CTNNA3: variants seen among roughly 807,000 people sequenced by gnomAD.
CTNNA3 encodes the protein catenin alpha 3.
CTNNA3 carries 76 observed loss-of-function variants against 95.7 expected under a neutral mutation model. The ratio of observed to expected loss-of-function variants is 0.79; its 90% CI spans 0.66 to 0.96. The LOEUF is 0.96. CTNNA3 is among the 40% of genes least tolerant of loss of function. The pLI is 0.00. For synonymous variants in CTNNA3, 431 were observed against 374.4 expected, an observed-to-expected ratio of 1.15 and a Z score of -1.74; for missense variants, 1,191 against 1,089.8, an observed-to-expected ratio of 1.09 and a Z score of -1.31.
At chr10:67,643,269 G>C (rs1405765563) in intron 2 of CTNNA3, among the ~76,000 whole-genome samples, 1 of 151,268 alleles carries the variant, frequency 6.6e-6, no homozygotes, top group African/African-American at 2.5e-5. Flanking sequence ...GGAGCTGAAG[G>C]ATGAGAACAC....
intron 9 of CTNNA3, among the ~76,000 whole-genome samples, chr10:66,632,810 A>G (rs976760168): frequency 1.3e-5 from 2 of 152,022 alleles, no homozygotes; most frequent in African/African-American, 4.8e-5. Context: ...TTTATATTTG[A>G]TAATAAAAAT....
chr10:66,763,865 T>C (rs1034141583), intron 9 of CTNNA3, among the ~76,000 whole-genome samples: 2 of 152,200 alleles, frequency 1.3e-5, no homozygotes, highest in Non-Finnish European at 2.9e-5. Context: ...GTCATGTGAA[T>C]ATGCCATTTA....
At chr10:67,378,710 A>C (rs1843792993) in intron 5 of CTNNA3, among the ~76,000 whole-genome samples, 1 of 152,112 alleles carries the variant, frequency 6.6e-6, no homozygotes, top group Non-Finnish European at 1.5e-5. Context: ...AGTTCCAACC[A>C]TGTTGCTGTG....
intron 7 of CTNNA3, among the ~76,000 whole-genome samples, chr10:67,125,488 G>GGCTTTAGGGAC (rs1162293313): frequency 6.6e-6 from 1 of 151,996 alleles, no homozygotes; most frequent in Non-Finnish European, 1.5e-5. Context: ...GTGTATCCTA[G>GGCTTTAGGGAC]AATAAATTTA....
chr10:66,576,682 G>T (rs915573713), intron 10 of CTNNA3, among the ~76,000 whole-genome samples: 7 of 152,080 alleles, frequency 4.6e-5, no homozygotes, highest in African/African-American at 1.7e-4. Flanking sequence ...TTATGGCTGT[G>T]CAGTATTCCG....
intron 16 of CTNNA3, among the ~76,000 whole-genome samples, chr10:65,972,240 G>A (rs889859055): frequency 2.6e-5 from 4 of 151,992 alleles, no homozygotes; most frequent in Non-Finnish European, 5.9e-5. Flanking sequence ...ATCTCTACTT[G>A]AATGGGCTAA....
chr10:67,509,811 G>A (rs774247513), intron 5 of CTNNA3, among the ~76,000 whole-genome samples: 5 of 152,190 alleles, frequency 3.3e-5, no homozygotes, highest in Non-Finnish European at 7.3e-5. Flanking sequence ...CCCACCAACA[G>A]TGTAAAAGCA....
At chr10:66,436,956 T>A (rs2093342302) in intron 11 of CTNNA3, among the ~76,000 whole-genome samples, 1 of 152,124 alleles carries the variant, frequency 6.6e-6, no homozygotes, top group East Asian at 1.9e-4. Context: ...AAGCTTAGTT[T>A]GGCTGGATAA....
Position 67,237,122 on chromosome 10 carries a change from GTATGTATATATATATATATATA to G in CTNNA3, c.580-17274_580-17253del, listed in dbSNP as rs1205697960. Among the ~76,000 whole-genome samples the G allele has an allele frequency of 8.0e-3, 633 of 79,622 alleles. 33 individuals carry two copies. Among genetic ancestry groups the G allele is most frequent in the African/African-American group, 0.016 (466 of 29,600 alleles). 52.2% of individuals were successfully genotyped at this position (79,622 alleles called of 152,430 possible). A position where few individuals can be genotyped will look rare whatever the true frequency, so the allele number is the denominator to read the frequency against. ...AATGAGTGGATAAAGAAACTATGGT[GTATGTATATATATATATATATA>G]TATATATATATATATATATATATAT... On this transcript the variant is annotated intron_variant, in intron 5 of 17. Transcript: ENST00000433211.
chr10:67,647,664 A>G lies in CTNNA3; in HGVS notation c.-5-146T>C, dbSNP rs116815686. The stretch of plus-strand genomic sequence containing the variant: ...AGCCCTCAGAGGACCAGGCTACAAA[A>G]TCTACCTTCAGAGAAAGAAGATATT... On this transcript the variant is annotated intron_variant, in intron 1 of 17. Coordinates refer to ENST00000433211, the MANE Select transcript of CTNNA3 (RefSeq NM_013266.4). 1,702 of 585,388 alleles carry G rather than the reference A, an allele frequency of 2.9e-3. 29 individuals are homozygous for G. Among genetic ancestry groups the G allele is most frequent in the African/African-American group, 0.028 (1,517 of 53,414 alleles). 36.3% of individuals were successfully genotyped at this position (585,388 alleles called of 1,614,324 possible). A position where few individuals can be genotyped will look rare whatever the true frequency, so the allele number is the denominator to read the frequency against.
chr10:66,725,981 T>C (rs1244258989), intron 9 of CTNNA3, among the ~76,000 whole-genome samples: 2 of 152,134 alleles, frequency 1.3e-5, no homozygotes, highest in Admixed American at 1.3e-4. Context: ...AATATCATTA[T>C]GACATTGCAG....
chr10:67,064,649 AT>A (rs1371608563), intron 7 of CTNNA3, among the ~76,000 whole-genome samples: 1 of 152,094 alleles, frequency 6.6e-6, no homozygotes, highest in African/African-American at 2.4e-5. Flanking sequence ...AAGAAAAAAT[AT>A]TTTTTAAGGG....
intron 5 of CTNNA3, among the ~76,000 whole-genome samples, chr10:67,230,755 T>A (rs1315104895): frequency 6.6e-6 from 1 of 152,216 alleles, no homozygotes; most frequent in South Asian, 2.1e-4. Flanking sequence ...CATTTCCATC[T>A]GAGGTACAGG....
chr10:66,582,476 T>C (rs1843221071), intron 10 of CTNNA3, among the ~76,000 whole-genome samples: 2 of 151,844 alleles, frequency 1.3e-5, no homozygotes. Context: ...TACTGATTTA[T>C]GCACACTGGT....
At chr10:66,498,843 C>T (rs1044369934) in intron 11 of CTNNA3, among the ~76,000 whole-genome samples, 2 of 152,166 alleles carry the variant, frequency 1.3e-5, no homozygotes, top group African/African-American at 4.8e-5. Context: ...TACATACATA[C>T]ATCTGGCTTT....
intron 13 of CTNNA3, among the ~76,000 whole-genome samples, chr10:66,217,796 A>C (rs1430247292): frequency 6.6e-6 from 1 of 152,190 alleles, no homozygotes; most frequent in Non-Finnish European, 1.5e-5. Flanking sequence ...GATAAACAGT[A>C]TCCATGATGG....
intron 10 of CTNNA3, among the ~76,000 whole-genome samples, chr10:66,546,706 G>A (rs1355819924): frequency 6.6e-6 from 1 of 152,100 alleles, no homozygotes; most frequent in Admixed American, 6.6e-5. Flanking sequence ...TCACTATCAT[G>A]AGGACAGCAT....
At chr10:66,232,178 C>G (rs2089621481) in intron 13 of CTNNA3, among the ~76,000 whole-genome samples, 1 of 152,000 alleles carries the variant, frequency 6.6e-6, no homozygotes, top group Admixed American at 6.6e-5. Flanking sequence ...AGCAGGAACC[C>G]CAGACAATAT....
chr10:67,206,117 T>C (rs553543770), intron 6 of CTNNA3, among the ~76,000 whole-genome samples: 5 of 152,280 alleles, frequency 3.3e-5, no homozygotes, highest in South Asian at 2.1e-4. Context: ...AAAAGTTCCT[T>C]TGGATAAAGG....
Sources: gnomAD v4.1 joint callset for allele counts (sites outside exome capture counted in the v4.1 genomes callset) on GRCh38, gnomAD v4.1.1 for gene constraint, MANE v1.5 for transcripts, NCBI Gene and HGNC (gene_info 2026-07-23, HGNC 2026-07-21) for gene names.